Variants in VPS13D observed in about 807,000 individuals in gnomAD.
VPS13D encodes vacuolar protein sorting 13 homolog D.
Under a neutral mutation model 461.9 loss-of-function variants are expected in VPS13D, and 187 were observed. The observed-to-expected ratio is 0.40, with a 90% CI of 0.36 to 0.46. The LOEUF is 0.46. Among genes scored for constraint, VPS13D ranks in the 20% least tolerant of loss-of-function variants. The pLI is 0.60. For synonymous variants in VPS13D, 1,951 were observed against 1,986.3 expected, an observed-to-expected ratio of 0.98 and a Z score of 0.47; for missense variants, 4,711 against 5,364.9, an observed-to-expected ratio of 0.88 and a Z score of 3.81.
At chr1:12,248,762 G>C (rs979616043) in intron 5 of VPS13D, among the ~76,000 whole-genome samples, 6 of 152,148 alleles carry the variant, frequency 3.9e-5, no homozygotes, top group Non-Finnish European at 8.8e-5. Flanking sequence ...GGTTTCCTTG[G>C]TCCAGATGTG....
chr1:12,277,888 T>C lies in VPS13D; in HGVS notation c.4300T>C (p.Leu1434=), dbSNP rs1489222234. 1 of 1,614,144 alleles carries C rather than the reference T, an allele frequency of 6.2e-7. No individual in the cohort carries two copies. Among genetic ancestry groups the C allele is most frequent in the Admixed American group, 1.7e-5 (1 of 60,028 alleles). ...VEIKDIKLYS[L]NCTQLAGREA... The stretch of plus-strand genomic sequence containing the variant: ...AATCAAGGACATTAAACTGTATTCT[T>C]TGAATTGCACCCAGTTGGCAGGTAG... The change falls in exon 19 of 70, where the codon TTG becomes CTG. Residue 1434 remains leucine (L), a synonymous_variant. Transcript: ENST00000620676.
At chr1:12,504,696 G>A (rs1036697525) in intron 68 of VPS13D, among the ~76,000 whole-genome samples, 14 of 152,308 alleles carry the variant, frequency 9.2e-5, no homozygotes, top group African/African-American at 2.6e-4. Flanking sequence ...CTACTTTTCC[G>A]GAGGGCGTCC....
chr1:12,371,973 G>A (rs371914199), intron 54 of VPS13D, among the ~76,000 whole-genome samples: 1 of 152,132 alleles, frequency 6.6e-6, no homozygotes, highest in Non-Finnish European at 1.5e-5. Flanking sequence ...GTGGCTAAAC[G>A]ATTGTACATT....
At chr1:12,264,970 C>T (rs1026759484) in intron 13 of VPS13D, among the ~76,000 whole-genome samples, 1 of 152,084 alleles carries the variant, frequency 6.6e-6, no homozygotes, top group Non-Finnish European at 1.5e-5. Context: ...GCTGATTTAC[C>T]TTTCTGAAAA....
chr1:12,240,534 G>T (rs994556478), intron 2 of VPS13D, among the ~76,000 whole-genome samples: 6 of 144,920 alleles, frequency 4.1e-5, no homozygotes, highest in Admixed American at 1.4e-4. Context: ...GGCGGAGTTT[G>T]CAGTGAGCCG....
Position 12,373,864 on chromosome 1 carries a change from A to C in VPS13D, c.10917+6A>C, listed in dbSNP as rs927529438. On this transcript the variant is annotated splice_donor_region_variant and intron_variant, in intron 55 of 69. Transcript: ENST00000620676. ...GAGTCATTTTAAAAAAGAAGGTAAG[A>C]GAGCTTACAATCAGAGTTTAGAATA... 1.9e-6 allele frequency: 3 copies of C among 1,599,480 alleles called. No homozygotes were observed. The highest frequency in any genetic ancestry group is 2.6e-6 in the Non-Finnish European group (3 of 1,171,294).
In VPS13D at chr1:12,502,077, G is replaced by A. The variant is rs905076601; in HGVS notation, c.12794+4446G>A. On this transcript the variant is annotated intron_variant, in intron 68 of 69. Coordinates refer to ENST00000620676, the MANE Select transcript of VPS13D (RefSeq NM_015378.4). This position sits in a 1 kb window ranked among gnomAD's most constrained non-coding sequence, Gnocchi z 4.3. ...GAAGGCTGACCTTAGTGGTCATGCC[G>A]AGGAGCTTGCCTCTCCTGTAGGTGG... 4.6e-5 allele frequency among the ~76,000 whole-genome samples: 7 copies of A among 152,200 alleles called. No individual in the cohort carries two copies. The highest frequency in any genetic ancestry group is 1.7e-4 in the African/African-American group (7 of 41,456).
rs1646160920 is a variant in VPS13D at position 12,509,902 on chromosome 1, A to G, written c.*878A>G. 1 of 152,252 alleles carries G rather than the reference A, an allele frequency of 6.6e-6. No individual in the cohort carries two copies. Among genetic ancestry groups the G allele is most frequent in the Non-Finnish European group, 1.5e-5 (1 of 68,050 alleles). 9.4% of individuals were successfully genotyped at this position (152,252 alleles called of 1,614,324 possible). A position where few individuals can be genotyped will look rare whatever the true frequency, so the allele number is the denominator to read the frequency against. On this transcript the variant is annotated 3_prime_UTR_variant, in exon 70 of 70. Transcript: ENST00000620676. ...ACTCTGTTGATTGAGAAGGAAAAAA[A>G]AAGTCCCATTGAACTGTTGCAACAA...
chr1:12,390,451 A>C (rs182804248), intron 60 of VPS13D, among the ~76,000 whole-genome samples: 1 of 152,246 alleles, frequency 6.6e-6, no homozygotes, highest in East Asian at 1.9e-4. Flanking sequence ...CCACTGCCGC[A>C]CTTCTTTAGC....
chr1:12,293,305 T>G (rs1642184905), intron 23 of VPS13D, among the ~76,000 whole-genome samples: 1 of 152,238 alleles, frequency 6.6e-6, no homozygotes, highest in Non-Finnish European at 1.5e-5. Flanking sequence ...GTGCTAGAGC[T>G]GTCCACCTGT....
intron 35 of VPS13D, 64 bp downstream of exon 35, chr1:12,323,844 T>C (rs1643108854): frequency 6.5e-7 from 1 of 1,536,872 alleles, no homozygotes. Context: ...TCCCATTTCC[T>C]CTCTTACTTC....
At chr1:12,477,442 C>T (rs992027326) in intron 67 of VPS13D, among the ~76,000 whole-genome samples, 11 of 152,174 alleles carry the variant, frequency 7.2e-5, no homozygotes, top group African/African-American at 1.2e-4. Context: ...ACTTGGAGAG[C>T]CTGGATTCAC....
intron 38 of VPS13D, among the ~76,000 whole-genome samples, chr1:12,334,633 C>T (rs1192371193): frequency 6.6e-6 from 1 of 152,194 alleles, no homozygotes; most frequent in African/African-American, 2.4e-5. Flanking sequence ...GGCATAGTGG[C>T]GTGTGCCTGT....
At chr1:12,395,996 G>GATATATATATATATATATATAT (rs58476786) in intron 60 of VPS13D, among the ~76,000 whole-genome samples, 30 of 73,754 alleles carry the variant, frequency 4.1e-4, no homozygotes, top group Non-Finnish European at 4.5e-4. Flanking sequence ...ACTAATAGGA[G>GATATATATATATATATATATAT]ATATATATAT....
rs1553187933 is a variant in VPS13D at position 12,396,029 on chromosome 1, A to ATATATATATATATATATT, written c.11635-4152_11635-4151insTATATATATATATATATT. On this transcript the variant is annotated intron_variant, in intron 60 of 69. Coordinates refer to ENST00000620676, the MANE Select transcript of VPS13D (RefSeq NM_015378.4). ...TATATATATATATATATATATATAT[A>ATATATATATATATATATT]GTTCTTTAAGATCAATAAAATTAAT... Among the ~76,000 whole-genome samples the ATATATATATATATATATT allele has an allele frequency of 3.5e-3, 424 of 119,732 alleles. 35 individuals carry two copies. The highest frequency in any genetic ancestry group is 0.014 in the African/African-American group (366 of 26,096). The allele number at this position is 119,732 out of a possible 152,430, so 78.5% of individuals were successfully genotyped here.
intron 67 of VPS13D, among the ~76,000 whole-genome samples, chr1:12,491,896 C>G (rs1338273841): frequency 6.6e-6 from 1 of 152,218 alleles, no homozygotes; most frequent in Non-Finnish European, 1.5e-5. Flanking sequence ...CCGACAAGCT[C>G]CAGCTGGCAG....
intron 15 of VPS13D, 68 bp from the exon 16 acceptor site, chr1:12,268,638 C>T: frequency 1.3e-6 from 2 of 1,497,860 alleles, no homozygotes; most frequent in Non-Finnish European, 1.8e-6. Context: ...CAGAATCCCT[C>T]ACAGGTCTGT....
chr1:12,277,655 A>T lies in VPS13D; in HGVS notation c.4067A>T (p.Glu1356Val). The T allele has an allele frequency of 6.2e-7, 1 of 1,614,146 alleles. No individual in the cohort carries two copies. The highest frequency in any genetic ancestry group is 8.5e-7 in the Non-Finnish European group (1 of 1,180,024). The change falls in exon 19 of 70, where the codon GAG becomes GTG. Residue 1356 changes from glutamate (E) to valine (V), a missense_variant. Glu to Val is a moderately radical substitution (Grantham distance 121). Transcript: ENST00000620676. ...PRKTREPFILEENEIYGFDLA... is the reference protein window; with the variant it reads ...PRKTREPFILVENEIYGFDLA... ...AAGACTCGGGAACCCTTTATCTTAGAGGAAAATGAAATATATGGGTTTGAC... is the reference window on the plus strand; with the variant it reads ...AAGACTCGGGAACCCTTTATCTTAGTGGAAAATGAAATATATGGGTTTGAC...
chr1:12,342,209 GAGCTAT>G (rs1323651856), intron 41 of VPS13D, among the ~76,000 whole-genome samples: 1 of 152,128 alleles, frequency 6.6e-6, no homozygotes, highest in East Asian at 1.9e-4. Flanking sequence ...CCATTTTAAA[GAGCTAT>G]GTGTGGTTAT....
Sources: gnomAD v4.1 joint callset for allele counts (sites outside exome capture counted in the v4.1 genomes callset) on GRCh38, gnomAD v4.1.1 for gene constraint, Gnocchi (gnomAD v3.1) non-coding constraint, MANE v1.5 for transcripts, NCBI Gene and HGNC (gene_info 2026-07-23, HGNC 2026-07-21) for gene names.